Variants in SGCD observed in about 807,000 individuals in gnomAD.
The protein encoded by SGCD is delta-sarcoglycan.
SGCD carries 18 observed loss-of-function variants against 36.6 expected under a neutral mutation model. The observed-to-expected ratio is 0.49, with a 90% confidence interval of 0.34 to 0.73. The LOEUF (loss-of-function observed/expected upper bound fraction) is 0.73. Among genes scored for constraint, SGCD ranks in the 30% least tolerant of loss-of-function variants. The probability of loss-of-function intolerance (pLI) is 0.01; values close to 1 mark genes in which losing one functional copy is unlikely to be tolerated. For synonymous variants in SGCD, 133 were observed against 130.6 expected (o/e 1.02, Z -0.12); for missense variants, 387 against 346.7 (o/e 1.12, Z -0.92).
intron 2 of SGCD, among the ~76,000 whole-genome samples, chr5:156,121,011 C>G (rs1762025247): frequency 6.6e-6 from 1 of 152,084 alleles, no homozygotes. Flanking sequence ...ACATGACTTT[C>G]TCATGTTACA....
intron 4 of SGCD, among the ~76,000 whole-genome samples, chr5:156,519,816 C>A (rs1212598661): frequency 6.6e-6 from 1 of 152,166 alleles, no homozygotes; most frequent in Non-Finnish European, 1.5e-5. Flanking sequence ...ATTCAACATT[C>A]CTTCCCGTTA....
chr5:156,198,650 C>T (rs976414181), intron 3 of SGCD, among the ~76,000 whole-genome samples: 1 of 151,998 alleles, frequency 6.6e-6, no homozygotes, highest in African/African-American at 2.4e-5. Flanking sequence ...AATAGTTTTT[C>T]CCTTAGTTGG....
At position 156,200,929 on chromosome 5, in the gene SGCD, C is replaced by G. The variant is rs146625241; in HGVS notation, c.-44+76910C>G. 2.5e-3 allele frequency among the ~76,000 whole-genome samples: 387 copies of G among 152,290 alleles called. 1 individual carries two copies. The highest frequency in any genetic ancestry group is 9.0e-3 in the African/African-American group (374 of 41,574). ...AGCTTTAAAACAGGAAGGACATCCT[C>G]TTACATGTGTTGTAATATGGATGAA... On this transcript the variant is annotated intron_variant, in intron 3 of 9. Coordinates refer to the SGCD transcript ENST00000517913.
chr5:155,881,107 G>A (rs1248310995), intron 1 of SGCD, among the ~76,000 whole-genome samples: 1 of 151,998 alleles, frequency 6.6e-6, no homozygotes, highest in Non-Finnish European at 1.5e-5. Context: ...GGAAGGGAAG[G>A]AAATTTCTCA....
At chr5:156,175,630 G>A (rs2127624094) in intron 3 of SGCD, among the ~76,000 whole-genome samples, 1 of 152,196 alleles carries the variant, frequency 6.6e-6, no homozygotes, top group African/African-American at 2.4e-5. Flanking sequence ...ACAATAAGGA[G>A]TTTCCAGTTT....
At chr5:156,597,506 G>A (rs544046331) in intron 6 of SGCD, among the ~76,000 whole-genome samples, 10 of 152,226 alleles carry the variant, frequency 6.6e-5, no homozygotes, top group African/African-American at 1.2e-4. Flanking sequence ...ACTTATTCAC[G>A]ATCATAAGAA....
chr5:156,757,749 C>T (rs767400032), intron 8 of SGCD, 45 bp downstream of exon 8: 1 of 1,579,310 alleles, frequency 6.3e-7, no homozygotes, highest in Non-Finnish European at 8.6e-7. Context: ...ACAGCTTCAA[C>T]AGGCCAACCC....
chr5:156,168,979 G>A (rs1447306292), intron 3 of SGCD, among the ~76,000 whole-genome samples: 3 of 152,160 alleles, frequency 2.0e-5, no homozygotes, highest in Non-Finnish European at 4.4e-5. Context: ...TGAGGCTGAG[G>A]GCTTCAGCCC....
chr5:155,810,983 A>T, the SGCD span, among the ~76,000 whole-genome samples: 1 of 142,554 alleles, frequency 7.0e-6, no homozygotes, highest in African/African-American at 2.6e-5. Context: ...ATGCCCGGCT[A>T]ATTTTTTGTA....
At chr5:156,222,575 A>G (rs1354606564) in intron 3 of SGCD, among the ~76,000 whole-genome samples, 1 of 152,088 alleles carries the variant, frequency 6.6e-6, no homozygotes, top group Non-Finnish European at 1.5e-5. Context: ...TGCTTGAGTA[A>G]AGTAAAGTGG....
chr5:155,863,711 T>C, the SGCD span, among the ~76,000 whole-genome samples: 5 of 151,550 alleles, frequency 3.3e-5, no homozygotes, highest in African/African-American at 1.2e-4. Flanking sequence ...GAGATGAAGG[T>C]CAGGATTCCC....
chr5:156,067,865 G>C lies in SGCD; in HGVS notation c.-281-50013G>C, dbSNP rs10054781. On this transcript the variant is annotated intron_variant, in intron 1 of 9. Coordinates refer to the SGCD transcript ENST00000517913. ...TGGCACTCCCTAGAGAGATGAACCC[G>C]GTACCTCAGATGGAAATGCAGAAAT... 3.0e-5 allele frequency among the ~76,000 whole-genome samples: 4 copies of C among 133,734 alleles called. 1 individual carries two copies. The highest frequency in any genetic ancestry group is 2.1e-4 in the Admixed American group (3 of 14,276). 87.7% of individuals were successfully genotyped at this position (133,734 alleles called of 152,430 possible). A position where few individuals can be genotyped will look rare whatever the true frequency, so the allele number is the denominator to read the frequency against.
At chr5:156,510,883 A>G (rs911795077) in intron 4 of SGCD, among the ~76,000 whole-genome samples, 5 of 152,232 alleles carry the variant, frequency 3.3e-5, no homozygotes, top group Admixed American at 6.5e-5. Context: ...TGTGTTTTAG[A>G]AGACTTGAAA....
chr5:155,806,565 A>G, the SGCD span, among the ~76,000 whole-genome samples: 4 of 152,232 alleles, frequency 2.6e-5, no homozygotes, highest in Admixed American at 2.0e-4. Flanking sequence ...ATTTAATGCT[A>G]TCTTGGGACA....
At chr5:155,818,311 G>A in the SGCD span, among the ~76,000 whole-genome samples, 1 of 152,058 alleles carries the variant, frequency 6.6e-6, no homozygotes, top group Non-Finnish European at 1.5e-5. Context: ...AGGGTTGGAA[G>A]GAGGGTATTC....
At chr5:155,872,334 G>C (rs1755671083) in intron 1 of SGCD, among the ~76,000 whole-genome samples, 1 of 148,474 alleles carries the variant, frequency 6.7e-6, no homozygotes, top group African/African-American at 2.6e-5. Context: ...TGCAATTCAA[G>C]TGTTGTCTTC....
chr5:156,212,794 A>G (rs1483383201), intron 3 of SGCD, among the ~76,000 whole-genome samples: 3 of 152,136 alleles, frequency 2.0e-5, no homozygotes, highest in Non-Finnish European at 2.9e-5. Context: ...AATTCTATCA[A>G]GTATTATTTT....
At chr5:155,736,181 C>T in the SGCD span, among the ~76,000 whole-genome samples, 4 of 152,298 alleles carry the variant, frequency 2.6e-5, no homozygotes, top group East Asian at 1.9e-4. Context: ...GACAGTAAGA[C>T]ACAGATCATC....
At chr5:156,079,729 C>T (rs1388593219) in intron 1 of SGCD, among the ~76,000 whole-genome samples, 1 of 152,226 alleles carries the variant, frequency 6.6e-6, no homozygotes, top group Non-Finnish European at 1.5e-5. Flanking sequence ...AGGTGGGCCC[C>T]TAAGGTCTTG....
Sources: allele counts gnomAD v4.1 joint callset (sites outside exome capture counted in the v4.1 genomes callset), GRCh38; gene constraint gnomAD v4.1.1; transcripts MANE v1.5; gene names NCBI Gene and HGNC (gene_info 2026-07-23, HGNC 2026-07-21).